HERC4: variants seen among roughly 807,000 people sequenced by gnomAD.
HERC4 encodes the protein probable E3 ubiquitin-protein ligase HERC4.
Under a neutral mutation model 124.3 loss-of-function variants are expected in HERC4, and 28 were observed. The observed-to-expected ratio is 0.23, with a 90% confidence interval of 0.17 to 0.31. The LOEUF is 0.31. Among genes scored for constraint, HERC4 ranks in the 10% least tolerant of loss-of-function variants. The pLI, the probability that HERC4 is intolerant of heterozygous loss-of-function variation, is 1.00. For synonymous variants in HERC4, 407 were observed against 421.5 expected (o/e 0.97, Z 0.42); for missense variants, 713 against 1,229.3 (o/e 0.58, Z 6.28).
At chr10:67,973,284 C>T (rs1442169254) in intron 15 of HERC4, among the ~76,000 whole-genome samples, 1 of 152,066 alleles carries the variant, frequency 6.6e-6, no homozygotes, top group African/African-American at 2.4e-5. Context: ...TGTAATTGCC[C>T]CCACCTAAAC....
intron 15 of HERC4, among the ~76,000 whole-genome samples, chr10:67,975,181 C>T (rs2035509743): frequency 1.3e-5 from 2 of 151,428 alleles, no homozygotes; most frequent in South Asian, 4.2e-4. Context: ...AAGAGCCAAA[C>T]TCTGTCTTTA....
intron 23 of HERC4, 26 bp downstream of exon 23, chr10:67,932,571 A>T (rs1478346621): frequency 6.4e-7 from 1 of 1,567,890 alleles, no homozygotes; most frequent in Non-Finnish European, 8.7e-7. Flanking sequence ...TCCATTTAAC[A>T]ATATCAGAGA....
intron 15 of HERC4, among the ~76,000 whole-genome samples, chr10:67,973,843 A>G (rs1299562791): frequency 2.0e-5 from 3 of 151,996 alleles, no homozygotes; most frequent in Non-Finnish European, 4.4e-5. Flanking sequence ...CACAAGGGCA[A>G]GAGATCGAGA....
At chr10:68,057,359 C>T (rs2040600302) in intron 3 of HERC4, among the ~76,000 whole-genome samples, 4 of 152,138 alleles carry the variant, frequency 2.6e-5, no homozygotes, top group Admixed American at 2.6e-4. Flanking sequence ...CTAACGGTGG[C>T]TCATGCCTGT....
chr10:68,052,011 GA>G (rs34152706), intron 3 of HERC4, among the ~76,000 whole-genome samples: 52 of 150,978 alleles, frequency 3.4e-4, no homozygotes, highest in South Asian at 2.3e-3. Context: ...TAAAAAGGGT[GA>G]AAAAAAAGTA....
chr10:68,026,045 C>A, intron 7 of HERC4, among the ~76,000 whole-genome samples: 1 of 152,228 alleles, frequency 6.6e-6, no homozygotes. Context: ...TACATAAATG[C>A]GCTGCAAAAA....
chr10:67,930,608 TG>T (rs2031690948), intron 23 of HERC4, among the ~76,000 whole-genome samples: 1 of 152,230 alleles, frequency 6.6e-6, no homozygotes, highest in African/African-American at 2.4e-5. Context: ...AGTGCTGCTC[TG>T]TTTTTTTATG....
At chr10:67,980,489 G>C (rs192650628) in intron 15 of HERC4, among the ~76,000 whole-genome samples, 1 of 152,118 alleles carries the variant, frequency 6.6e-6, no homozygotes, top group Admixed American at 6.6e-5. Context: ...ATCAACACTA[G>C]ACCTGTGGAA....
intron 9 of HERC4, chr10:68,010,141 C>T: frequency 1.1e-6 from 1 of 875,470 alleles, no homozygotes; most frequent in Admixed American, 2.1e-5. Context: ...GGCACAAACT[C>T]CGGGTTCTCT....
At chr10:67,988,901 TACTG>T (rs1490202678) in intron 14 of HERC4, 66 bp from the exon 15 acceptor site, 24 of 1,307,158 alleles carry the variant, frequency 1.8e-5, no homozygotes, top group East Asian at 2.3e-5. Flanking sequence ...TTCAAAATCA[TACTG>T]ACTTTTTTTC....
chr10:67,991,208 T>A lies in HERC4; in HGVS notation c.1272-9A>T, dbSNP rs765115659. The A allele has an allele frequency of 2.7e-6, 4 of 1,489,590 alleles. No homozygotes were observed. The highest frequency in any genetic ancestry group is 2.7e-6 in the Non-Finnish European group (3 of 1,110,280). 92.3% of individuals were successfully genotyped at this position (1,489,590 alleles called of 1,614,324 possible). A position where few individuals can be genotyped will look rare whatever the true frequency, so the allele number is the denominator to read the frequency against. ...ACGTTCCATCTATCTCACTAAAAAA[T>A]TTAAAAAAGTTTTTTTAATCATAGA... On this transcript the variant is annotated splice_polypyrimidine_tract_variant and intron_variant, in intron 11 of 24. Transcript: ENST00000373700.
rs1240386799 is a variant in HERC4 at position 67,941,054 on chromosome 10, C to T, written c.2389G>A (p.Ala797Thr). 6.2e-7 allele frequency: 1 copy of T among 1,608,910 alleles called. No individual in the cohort carries two copies. The highest frequency in any genetic ancestry group is 8.5e-7 in the Non-Finnish European group (1 of 1,178,010). Residue 797 changes from alanine to threonine, a missense_variant, in exon 20 of 25, where the codon GCA (alanine) becomes ACA (threonine). Ala to Thr is a moderately conservative substitution (Grantham distance 58, BLOSUM62 0). Coordinates refer to ENST00000373700, the MANE Select transcript of HERC4 (RefSeq NM_015601.4). ...FHLIGVICGL[A>T]IYNCTIVDLH... Reference sequence around the variant, plus strand: ...TCCACAATGGTACAATTATAAATTGCTAAGCCACAGATAACACCAATCAAA... The same window carrying T: ...TCCACAATGGTACAATTATAAATTGTTAAGCCACAGATAACACCAATCAAA...
At chr10:67,976,600 T>C (rs577590932) in intron 15 of HERC4, among the ~76,000 whole-genome samples, 23 of 152,078 alleles carry the variant, frequency 1.5e-4, no homozygotes, top group African/African-American at 5.5e-4. Flanking sequence ...GAACCAAAAA[T>C]CAGGTGAGCA....
At chr10:68,069,230 AT>A in intron 3 of HERC4, 1 of 955,242 alleles carries the variant, frequency 1.0e-6, no homozygotes, top group Non-Finnish European at 1.2e-6. Context: ...ACAACAATTC[AT>A]TTAAATGGAT....
chr10:67,951,992 A>C (rs2033825463), intron 19 of HERC4, among the ~76,000 whole-genome samples: 1 of 152,086 alleles, frequency 6.6e-6, no homozygotes. Context: ...GTTCTCCACC[A>C]CACCTCAATG....
intron 23 of HERC4, among the ~76,000 whole-genome samples, chr10:67,930,631 A>C (rs973051082): frequency 1.9e-4 from 29 of 152,206 alleles, no homozygotes; most frequent in African/African-American, 7.0e-4. Context: ...TAGTCATCTT[A>C]ATAGGTATAC....
chr10:67,931,129 C>T (rs886858740), intron 23 of HERC4, among the ~76,000 whole-genome samples: 4 of 151,458 alleles, frequency 2.6e-5, no homozygotes, highest in Admixed American at 1.3e-4. Flanking sequence ...GGACTATAGG[C>T]GTGCGACACT....
intron 3 of HERC4, among the ~76,000 whole-genome samples, chr10:68,053,979 ATCATT>A (rs1257618559): frequency 1.3e-5 from 2 of 152,220 alleles, no homozygotes; most frequent in Non-Finnish European, 2.9e-5. Context: ...TTTTAAAGAG[ATCATT>A]TCAACTCTTT....
chr10:68,009,777 C>T (rs1316115649), intron 9 of HERC4, among the ~76,000 whole-genome samples: 6 of 152,144 alleles, frequency 3.9e-5, no homozygotes, highest in Non-Finnish European at 7.3e-5. Context: ...AGCCTCTTAA[C>T]CCCTGCTGCT....
Sources: gnomAD v4.1 joint callset for allele counts (sites outside exome capture counted in the v4.1 genomes callset) on GRCh38, gnomAD v4.1.1 for gene constraint, MANE v1.5 for transcripts, NCBI Gene and HGNC (gene_info 2026-07-23, HGNC 2026-07-21) for gene names.